The following MYLK variants were observed in gnomAD, a reference collection of about 807,000 sequenced individuals.
MYLK encodes myosin light chain kinase, also known as myosin light chain kinase, smooth muscle.
A neutral mutation model predicts 203.4 loss-of-function variants in MYLK; 106 were observed. The observed-to-expected ratio is 0.52, with a 90% CI of 0.45 to 0.61. The LOEUF (loss-of-function observed/expected upper bound fraction) is 0.61, where lower values mean the gene tolerates loss of function less well. MYLK is among the 20% of genes least tolerant of loss of function. The probability of loss-of-function intolerance (pLI) is 0.00; values close to 1 mark genes in which losing one functional copy is unlikely to be tolerated. For synonymous variants in MYLK, 867 were observed against 959.5 expected (o/e 0.90, Z 1.78); for missense variants, 2,072 against 2,442.3 (o/e 0.85, Z 3.20).
At chr3:123,684,529 C>T (rs1201862968) in intron 19 of MYLK, among the ~76,000 whole-genome samples, 5 of 152,080 alleles carry the variant, frequency 3.3e-5, no homozygotes, top group Admixed American at 1.3e-4. Flanking sequence ...GAAAGGTGTA[C>T]CCAGTAATTG....
At chr3:123,837,465 TTATA>T (rs1404738550) in intron 2 of MYLK, among the ~76,000 whole-genome samples, 9 of 148,066 alleles carry the variant, frequency 6.1e-5, no homozygotes, top group South Asian at 2.1e-4. Flanking sequence ...GTTGTATATA[TTATA>T]TATACATATT....
chr3:123,847,153 G>T (rs554356375), intron 2 of MYLK, among the ~76,000 whole-genome samples: 2 of 152,032 alleles, frequency 1.3e-5, no homozygotes, highest in African/African-American at 4.8e-5. Flanking sequence ...CCTTTACATA[G>T]TATTGGGTAT....
At chr3:123,685,396 C>G (rs2060414806) in intron 19 of MYLK, among the ~76,000 whole-genome samples, 1 of 152,112 alleles carries the variant, frequency 6.6e-6, no homozygotes, top group Non-Finnish European at 1.5e-5. Context: ...AGTTCAAGAC[C>G]AGCGTGGGCA....
Position 123,700,420 on chromosome 3 carries a change from A to G in MYLK, c.3048T>C (p.Asn1016=), listed in dbSNP as rs758822048. 58 of 1,612,436 alleles carry G rather than the reference A, an allele frequency of 3.6e-5. No homozygotes were observed. Among genetic ancestry groups the G allele is most frequent in the Non-Finnish European group, 4.2e-5 (50 of 1,179,550 alleles). The change falls in exon 18 of 34, where the codon AAT becomes AAC. Residue 1016 remains asparagine, a synonymous_variant. Transcript: ENST00000360304. ...KAVESSKPLS[N]AQPSGPLKPV... ...GTTTCAAGGGCCCTGAAGGCTGTGCATTGCTCAGGGGCTTGGAACTCTCCA... is the reference window on the plus strand; with the variant it reads ...GTTTCAAGGGCCCTGAAGGCTGTGCGTTGCTCAGGGGCTTGGAACTCTCCA...
In MYLK at chr3:123,647,446, G is replaced by A. The variant is rs775110815; in HGVS notation, c.4416-19C>T. On this transcript the variant is annotated intron_variant, in intron 26 of 33. Coordinates refer to ENST00000360304, the MANE Select transcript of MYLK (RefSeq NM_053025.4). ...TTTCCCACTGCAAATGAAAGGGGGA[G>A]GAGAGAAAAGCCACATTTAGCCAAG... is the stretch of plus-strand genomic sequence containing the variant. The A allele has an allele frequency of 1.4e-5, 22 of 1,611,318 alleles. No individual in the cohort carries two copies. In the African/African-American group the frequency reaches 2.8e-4, roughly 21 times the overall value.
intron 4 of MYLK, among the ~76,000 whole-genome samples, chr3:123,762,457 C>A (rs2108935395): frequency 6.6e-6 from 1 of 152,230 alleles, no homozygotes; most frequent in Admixed American, 6.5e-5. Flanking sequence ...TCTCAATTTC[C>A]TGGGCTCAAG....
chr3:123,854,515 C>T (rs2031172420), intron 2 of MYLK, among the ~76,000 whole-genome samples: 1 of 151,962 alleles, frequency 6.6e-6, no homozygotes, highest in African/African-American at 2.4e-5. Context: ...TTTACCATTG[C>T]CTCTTACATT....
chr3:123,685,332 C>T (rs1395782195), intron 19 of MYLK, among the ~76,000 whole-genome samples: 1 of 152,220 alleles, frequency 6.6e-6, no homozygotes, highest in African/African-American at 2.4e-5. Flanking sequence ...GTGGCTCACG[C>T]CTGTAATCCC....
chr3:123,662,797 G>A (rs2059606898), intron 23 of MYLK, among the ~76,000 whole-genome samples: 2 of 152,324 alleles, frequency 1.3e-5, no homozygotes, highest in South Asian at 2.1e-4. Flanking sequence ...AGAGTTTTGT[G>A]CACTGCATAA....
intron 31 of MYLK, 63 bp from the exon 32 acceptor site, chr3:123,620,399 G>C (rs1370197927): frequency 3.7e-6 from 6 of 1,611,026 alleles, no homozygotes; most frequent in Non-Finnish European, 5.1e-6. Flanking sequence ...GGTAGTGCGA[G>C]GGGCTGCAGG....
In MYLK at chr3:123,664,183, C is replaced by G. The variant is rs777401981; in HGVS notation, c.3907G>C (p.Glu1303Gln). 20 of 1,614,052 alleles carry G rather than the reference C, an allele frequency of 1.2e-5. No individual in the cohort carries two copies. In the East Asian group the frequency reaches 4.0e-4, roughly 32 times the overall value. The change falls in exon 23 of 34, where the codon GAG (glutamate) becomes CAG (glutamine). Residue 1303 changes from glutamate to glutamine, a missense_variant. Coordinates refer to ENST00000360304, the MANE Select transcript of MYLK (RefSeq NM_053025.4). ...AGCAGTGTGTAGCAGCCGCAGTGCT[C>G]CTGGCGCGCGGCCAGGATGGTGAGC... ...SKLTILAARQ[E>Q]HCGCYTLLVE...
At chr3:123,651,869 G>A (rs2059223616) in intron 24 of MYLK, among the ~76,000 whole-genome samples, 1 of 152,230 alleles carries the variant, frequency 6.6e-6, no homozygotes, top group African/African-American at 2.4e-5. Context: ...TGCTCTGGGG[G>A]AAGGACCTAG....
At chr3:123,685,001 T>G in intron 19 of MYLK, among the ~76,000 whole-genome samples, 1 of 152,150 alleles carries the variant, frequency 6.6e-6, no homozygotes, top group East Asian at 1.9e-4. Flanking sequence ...GAAAGCAAAG[T>G]ATGAGAGGCC....
At position 123,664,127 on chromosome 3, in the gene MYLK, G is replaced by A. The variant is rs62264575; in HGVS notation, c.3963C>T (p.Ala1321=). Residue 1321 remains alanine, a synonymous_variant, in exon 23 of 34, where the codon GCC becomes GCT. Transcript: ENST00000360304. The part of the protein sequence containing the change: ...LVENKLGSRQ[A]QVNLTVVDKP... ...CACCCACGACAGTGAGGTTGACCTG[G>A]GCCTGCCTGCTGCCCAGCTTGTTCT... The A allele has an allele frequency of 6.2e-7, 1 of 1,614,036 alleles. No individual in the cohort carries two copies. Among genetic ancestry groups the A allele is most frequent in the South Asian group, 1.1e-5 (1 of 91,078 alleles).
intron 24 of MYLK, among the ~76,000 whole-genome samples, chr3:123,653,810 C>G (rs2059296227): frequency 6.6e-6 from 1 of 152,196 alleles, no homozygotes; most frequent in Non-Finnish European, 1.5e-5. Flanking sequence ...CCTCTTTACA[C>G]CATAGCACAG....
At chr3:123,633,429 A>T (rs530494339) in intron 29 of MYLK, among the ~76,000 whole-genome samples, 61 of 152,342 alleles carry the variant, frequency 4.0e-4, no homozygotes, top group African/African-American at 1.4e-3. Flanking sequence ...GCCCAGCTAG[A>T]TAACAGTCAT....
Position 123,639,041 on chromosome 3 carries a change from G to T in MYLK, c.4838-847C>A, listed in dbSNP as rs2058741070. On this transcript the variant is annotated intron_variant, in intron 28 of 33. Coordinates refer to ENST00000360304, the MANE Select transcript of MYLK (RefSeq NM_053025.4). The stretch of plus-strand genomic sequence containing the variant: ...ATTTTAGCCACTTCTCAGTTATCTG[G>T]TCCTTGGTGGACACGGTTGTTCCCA... The T allele has an allele frequency of 5.1e-6, 5 of 985,266 alleles. No homozygotes were observed. The African/African-American group carries it at 8.7e-5, about 17-fold the overall frequency. The allele number at this position is 985,266 out of a possible 1,614,324, so 61.0% of individuals were successfully genotyped here.
chr3:123,879,285 C>T (rs889051756), intron 1 of MYLK, among the ~76,000 whole-genome samples: 2 of 152,058 alleles, frequency 1.3e-5, no homozygotes, highest in African/African-American at 4.8e-5. Flanking sequence ...TGAAAACCAC[C>T]CCCAAAATAA....
intron 31 of MYLK, chr3:123,622,649 C>T (rs2057930987): frequency 1.3e-5 from 2 of 152,124 alleles, no homozygotes; most frequent in African/African-American, 4.8e-5. Context: ...AAATATGTCT[C>T]ACATAGGGAG....
Sources: gnomAD v4.1 joint callset for allele counts (sites outside exome capture counted in the v4.1 genomes callset) on GRCh38, gnomAD v4.1.1 for gene constraint, MANE v1.5 for transcripts, NCBI Gene and HGNC (gene_info 2026-07-23, HGNC 2026-07-21) for gene names.